The following UBA6 variants were observed in gnomAD, a reference collection of about 807,000 sequenced individuals.
The protein encoded by UBA6 is ubiquitin-like modifier-activating enzyme 6.
UBA6 carries 87 observed loss-of-function variants against 148.3 expected under a neutral mutation model. The ratio of observed to expected loss-of-function variants is 0.59; its 90% confidence interval spans 0.49 to 0.70. The LOEUF (loss-of-function observed/expected upper bound fraction) is 0.70. UBA6 is among the 30% of genes least tolerant of loss of function. The probability of loss-of-function intolerance (pLI) is 0.00; values close to 1 mark genes in which losing one functional copy is unlikely to be tolerated. For missense variants in UBA6, 1,186 were observed against 1,241.2 expected (o/e 0.96, Z 0.67); for synonymous variants, 376 against 401.0 (o/e 0.94, Z 0.75).
chr4:67,673,353 T>C (rs1730195623), intron 7 of UBA6, among the ~76,000 whole-genome samples: 1 of 148,634 alleles, frequency 6.7e-6, no homozygotes, highest in Non-Finnish European at 1.5e-5. Flanking sequence ...GAGGCGGAGG[T>C]TGGGGTGAGC....
chr4:67,657,553 G>T lies in UBA6; in HGVS notation c.1104+4636C>A, dbSNP rs186381595. Among the ~76,000 whole-genome samples the T allele has an allele frequency of 3.4e-3, 515 of 152,234 alleles. 5 individuals are homozygous for T. Among genetic ancestry groups the T allele is most frequent in the African/African-American group, 0.012 (493 of 41,544 alleles). ...AGATGGATTAAAGAATTAAATGTAA[G>T]ATCTAAAACTATAAAAACCCTAGAA... On this transcript the variant is annotated intron_variant, in intron 13 of 32. Coordinates refer to ENST00000322244, the MANE Select transcript of UBA6 (RefSeq NM_018227.6).
At chr4:67,658,811 A>G (rs1729769335) in intron 13 of UBA6, among the ~76,000 whole-genome samples, 2 of 152,330 alleles carry the variant, frequency 1.3e-5, no homozygotes, top group South Asian at 4.1e-4. Context: ...ACATTCTAGA[A>G]AAGAAAAAAT....
At chr4:67,670,331 A>G in intron 8 of UBA6, 139 bp downstream of exon 8, 1 of 665,594 alleles carries the variant, frequency 1.5e-6, no homozygotes, top group South Asian at 2.0e-5. Context: ...GAAATTAGCT[A>G]CATATTCCCT....
chr4:67,619,240 C>A, intron 32 of UBA6, 108 bp from the exon 33 acceptor site: 1 of 756,538 alleles, frequency 1.3e-6, no homozygotes. Context: ...TAGACTTTAA[C>A]ATCTAATAAT....
chr4:67,618,931 G>T lies in UBA6; in HGVS notation c.*66C>A, dbSNP rs912541428. On this transcript the variant is annotated 3_prime_UTR_variant, in exon 33 of 33. Transcript: ENST00000322244. ...TAGTATTATGAACTGATTTTCTTTAGCTTCTGAATTAAGTGCACTCTTTCC... is the reference window on the plus strand; with the variant it reads ...TAGTATTATGAACTGATTTTCTTTATCTTCTGAATTAAGTGCACTCTTTCC... 1.3e-6 allele frequency: 2 copies of T among 1,497,182 alleles called. No homozygotes were observed. Among genetic ancestry groups the T allele is most frequent in the South Asian group, 1.2e-5 (1 of 80,562 alleles). The allele number at this position is 1,497,182 out of a possible 1,614,324, so 92.7% of individuals were successfully genotyped here.
intron 4 of UBA6, among the ~76,000 whole-genome samples, chr4:67,681,094 A>G (rs962440543): frequency 3.9e-5 from 6 of 152,200 alleles, no homozygotes; most frequent in Admixed American, 6.5e-5. Context: ...AGAAACTATG[A>G]GACAACAAAT....
At chr4:67,678,610 A>G in intron 4 of UBA6, 77 bp from the exon 5 acceptor site, 1 of 607,846 alleles carries the variant, frequency 1.6e-6, no homozygotes, top group Non-Finnish European at 2.8e-6. Flanking sequence ...CTGACAATGT[A>G]CTAGAACTAT....
At chr4:67,694,949 C>A (rs1730797344) in intron 2 of UBA6, among the ~76,000 whole-genome samples, 1 of 152,154 alleles carries the variant, frequency 6.6e-6, no homozygotes, top group South Asian at 2.1e-4. Flanking sequence ...AAATGGCTTA[C>A]CTCTAATAAT....
chr4:67,645,360 G>A (rs1729398235), intron 16 of UBA6, among the ~76,000 whole-genome samples: 1 of 152,146 alleles, frequency 6.6e-6, no homozygotes, highest in South Asian at 2.1e-4. Context: ...CAGCACTTTG[G>A]GAAGCTGAGG....
At position 67,668,568 on chromosome 4, in the gene UBA6, G is replaced by A. The variant is rs1180458282; in HGVS notation, c.776C>T (p.Ser259Phe). Reference protein sequence around the residue: ...EINGMTGLNGSIQQITVISPF... With the variant: ...EINGMTGLNGFIQQITVISPF... Reference sequence around the variant, plus strand: ...TGACTTACCCGTTATTTGTTGTATAGATCCATTTAAACCTGTCATTCCATT... The same window carrying A: ...TGACTTACCCGTTATTTGTTGTATAAATCCATTTAAACCTGTCATTCCATT... The change falls in exon 9 of 33, where the codon TCT (serine) becomes TTT (phenylalanine). Residue 259 changes from serine to phenylalanine, a missense_variant. Coordinates refer to ENST00000322244, the MANE Select transcript of UBA6 (RefSeq NM_018227.6). 1 of 1,611,630 alleles carries A rather than the reference G, an allele frequency of 6.2e-7. No individual in the cohort carries two copies. The highest frequency in any genetic ancestry group is 8.5e-7 in the Non-Finnish European group (1 of 1,178,144).
intron 17 of UBA6, among the ~76,000 whole-genome samples, chr4:67,642,021 A>C (rs1161428601): frequency 1.3e-5 from 2 of 152,044 alleles, no homozygotes; most frequent in African/African-American, 4.8e-5. Context: ...TATTTCCCTG[A>C]TATTTTTAAT....
intron 23 of UBA6, 81 bp downstream of exon 23, chr4:67,633,264 T>G: frequency 7.9e-7 from 1 of 1,265,622 alleles, no homozygotes; most frequent in Non-Finnish European, 1.1e-6. Flanking sequence ...AATACACATT[T>G]CAGGTCAATG....
At chr4:67,636,104 C>T (rs1378908488) in intron 19 of UBA6, among the ~76,000 whole-genome samples, 2 of 152,154 alleles carry the variant, frequency 1.3e-5, no homozygotes, top group Non-Finnish European at 2.9e-5. Flanking sequence ...AAGGTGAACA[C>T]ATTTATAGTC....
chr4:67,672,652 T>G (rs1730178051), intron 7 of UBA6, among the ~76,000 whole-genome samples: 1 of 152,200 alleles, frequency 6.6e-6, no homozygotes, highest in Non-Finnish European at 1.5e-5. Flanking sequence ...TTATTCCTAC[T>G]ATCCTCTCCT....
intron 2 of UBA6, among the ~76,000 whole-genome samples, chr4:67,691,107 T>C (rs1730683849): frequency 6.6e-6 from 1 of 151,974 alleles, no homozygotes; most frequent in African/African-American, 2.4e-5. Flanking sequence ...TCAATAAATA[T>C]ACTGAAAATT....
At chr4:67,676,273 C>T (rs1470078406) in intron 6 of UBA6, among the ~76,000 whole-genome samples, 2 of 152,096 alleles carry the variant, frequency 1.3e-5, no homozygotes, top group Non-Finnish European at 2.9e-5. Flanking sequence ...ATCCGCCCAC[C>T]TCGGCCTCCC....
At chr4:67,660,748 C>T (rs751255536) in intron 13 of UBA6, among the ~76,000 whole-genome samples, 10 of 152,088 alleles carry the variant, frequency 6.6e-5, no homozygotes, top group Non-Finnish European at 8.8e-5. Flanking sequence ...CTCCAGATCC[C>T]GGAATGGTAG....
At chr4:67,666,904 A>G (rs1730012783) in intron 9 of UBA6, among the ~76,000 whole-genome samples, 1 of 152,154 alleles carries the variant, frequency 6.6e-6, no homozygotes, top group Admixed American at 6.5e-5. Flanking sequence ...AAACGAAAAA[A>G]CAAAAAAACA....
intron 13 of UBA6, among the ~76,000 whole-genome samples, chr4:67,660,501 A>AC (rs1289930853): frequency 6.6e-6 from 1 of 152,206 alleles, no homozygotes; most frequent in African/African-American, 2.4e-5. Context: ...TTGGTGGCTT[A>AC]CACATGGTGT....
Sources: gnomAD v4.1 joint callset for allele counts (sites outside exome capture counted in the v4.1 genomes callset) on GRCh38, gnomAD v4.1.1 for gene constraint, MANE v1.5 for transcripts, NCBI Gene and HGNC (gene_info 2026-07-23, HGNC 2026-07-21) for gene names.